FAM81A: variants seen among roughly 807,000 people sequenced by gnomAD.
FAM81A encodes the protein protein FAM81A.
In FAM81A, 19 loss-of-function variants were observed where a neutral mutation model predicts 46.7. The observed-to-expected ratio is 0.41, with a 90% CI of 0.28 to 0.60. The LOEUF is 0.60. Among genes scored for constraint, FAM81A ranks in the 20% least tolerant of loss-of-function variants. The pLI is 0.34. For missense variants in FAM81A, 377 were observed against 453.5 expected (o/e 0.83, Z 1.53); for synonymous variants, 183 against 152.9 (o/e 1.20, Z -1.45).
rs2082327880 is a variant in FAM81A at position 59,521,475 on chromosome 15, C to G, written c.*97C>G. The G allele has an allele frequency of 7.1e-7, 1 of 1,406,016 alleles. No homozygotes were observed. The highest frequency in any genetic ancestry group is 9.4e-7 in the Non-Finnish European group (1 of 1,061,750). The allele number at this position is 1,406,016 out of a possible 1,614,324, so 87.1% of individuals were successfully genotyped here. ...GCCATCGCTGCATTCAGGATTGTTC[C>G]ATCCATGGCGTGCATGTGCCAAGAA... On this transcript the variant is annotated 3_prime_UTR_variant, in exon 9 of 9. Transcript: ENST00000288228.
intron 8 of FAM81A, among the ~76,000 whole-genome samples, chr15:59,520,607 A>C (rs1401080918): frequency 7.1e-6 from 1 of 141,562 alleles, no homozygotes; most frequent in Non-Finnish European, 1.5e-5. Context: ...TCTGTCGCCG[A>C]GGCTGGAGTG....
upstream of FAM81A, among the ~76,000 whole-genome samples, chr15:59,434,545 G>T (rs1434948361): frequency 4.6e-5 from 7 of 152,164 alleles, no homozygotes; most frequent in African/African-American, 1.7e-4. Flanking sequence ...GAAACTTTCT[G>T]CCCTTGAGCC....
At chr15:59,412,586 G>A (rs1163384492) in intron 2 of FAM81A, among the ~76,000 whole-genome samples, 1 of 152,098 alleles carries the variant, frequency 6.6e-6, no homozygotes, top group Non-Finnish European at 1.5e-5. Flanking sequence ...AATTAGCTTG[G>A]CGTGGTGGTA....
At chr15:59,489,068 A>G (rs12901699) in intron 3 of FAM81A, among the ~76,000 whole-genome samples, 125,345 of 152,064 alleles carry the variant, frequency 0.82, 52,151 homozygotes, top group African/African-American at 0.94. Flanking sequence ...GATCGAGACC[A>G]TACTGGCTAA....
rs1260080762 is a variant in FAM81A at position 59,401,777 on chromosome 15, T to A, written c.-160-499T>A. 6 of 740,896 alleles carry A rather than the reference T, an allele frequency of 8.1e-6. No individual in the cohort carries two copies. The African/African-American group carries it at 1.1e-4, about 13-fold the overall frequency. 45.9% of individuals were successfully genotyped at this position (740,896 alleles called of 1,614,324 possible). A position where few individuals can be genotyped will look rare whatever the true frequency, so the allele number is the denominator to read the frequency against. On this transcript the variant is annotated intron_variant, in intron 1 of 4. Transcript: ENST00000558348. ...CTGTGGAGTCTTTTCAGCATTTTTTTTTTTTTTTGGTGTTTCTCTTTTCAT... is the reference window on the plus strand; with the variant it reads ...CTGTGGAGTCTTTTCAGCATTTTTTATTTTTTTTGGTGTTTCTCTTTTCAT...
chr15:59,466,658 C>T (rs1174492902), intron 3 of FAM81A, among the ~76,000 whole-genome samples: 5 of 152,092 alleles, frequency 3.3e-5, no homozygotes, highest in Non-Finnish European at 5.9e-5. Flanking sequence ...CTGTAGGTTG[C>T]CTGTTCACTC....
chr15:59,468,321 G>A (rs1244501799), intron 3 of FAM81A, among the ~76,000 whole-genome samples: 2 of 152,240 alleles, frequency 1.3e-5, no homozygotes, highest in East Asian at 3.9e-4. Flanking sequence ...GAATTCGGCT[G>A]TGAATCCGTC....
At chr15:59,516,600 T>G in intron 7 of FAM81A, 45 bp from the exon 8 acceptor site, 2 of 1,569,968 alleles carry the variant, frequency 1.3e-6, no homozygotes, top group Non-Finnish European at 1.7e-6. Flanking sequence ...GCAATGCAGA[T>G]TTCTTTTTGG....
At chr15:59,440,787 A>G (rs1249033571) in intron 1 of FAM81A, among the ~76,000 whole-genome samples, 8 of 152,142 alleles carry the variant, frequency 5.3e-5, no homozygotes, top group Admixed American at 5.2e-4. Context: ...CACTTGGGGC[A>G]TGTAAGTTGC....
intron 4 of FAM81A, among the ~76,000 whole-genome samples, chr15:59,497,822 C>T (rs930993831): frequency 3.3e-5 from 5 of 152,056 alleles, no homozygotes; most frequent in Non-Finnish European, 7.4e-5. Context: ...CAGAGCAAGA[C>T]CCTGTTTCAA....
intron 2 of FAM81A, among the ~76,000 whole-genome samples, chr15:59,430,982 A>G (rs1171850140): frequency 7.9e-5 from 12 of 152,190 alleles, no homozygotes; most frequent in Admixed American, 7.9e-4. Flanking sequence ...TAGTAAATAA[A>G]TGTGTATGTT....
At chr15:59,408,095 C>A (rs188177470) in intron 2 of FAM81A, 70 of 163,292 alleles carry the variant, frequency 4.3e-4, no homozygotes, top group Non-Finnish European at 6.1e-4. Context: ...CCTCCTGCTT[C>A]TTCGCGACAG....
chr15:59,406,926 A>G (rs1437497219), intron 2 of FAM81A: 1 of 149,454 alleles, frequency 6.7e-6, no homozygotes, highest in African/African-American at 2.5e-5. Flanking sequence ...TATTATTTTA[A>G]TTATTTTTAT....
intron 4 of FAM81A, among the ~76,000 whole-genome samples, chr15:59,500,529 T>C (rs2082080357): frequency 6.6e-6 from 1 of 152,082 alleles, no homozygotes; most frequent in Admixed American, 6.6e-5. Flanking sequence ...CTCAAAGTCC[T>C]GGCCTCAAGC....
At chr15:59,448,428 C>G (rs1352610232) in intron 1 of FAM81A, among the ~76,000 whole-genome samples, 4 of 152,014 alleles carry the variant, frequency 2.6e-5, no homozygotes, top group Non-Finnish European at 5.9e-5. Context: ...AATGTTTGCA[C>G]CATCTAAACT....
At chr15:59,437,547 C>T (rs1482644380), upstream of FAM81A, among the ~76,000 whole-genome samples, 10 of 152,080 alleles carry the variant, frequency 6.6e-5, no homozygotes, top group African/African-American at 2.4e-4. Context: ...TTCTTCTTCT[C>T]GTCGTGTCTG....
intron 2 of FAM81A, among the ~76,000 whole-genome samples, chr15:59,415,158 A>G (rs2081140945): frequency 7.2e-6 from 1 of 137,932 alleles, no homozygotes; most frequent in East Asian, 2.1e-4. Flanking sequence ...TTGCTCTGTC[A>G]CCCAGGCTGG....
chr15:59,437,882 G>A (rs1466282290), upstream of FAM81A, among the ~76,000 whole-genome samples: 2 of 152,062 alleles, frequency 1.3e-5, no homozygotes, highest in East Asian at 1.9e-4. Flanking sequence ...CGAAATCCCC[G>A]CCCGCCAACT....
chr15:59,484,780 A>G (rs1171680358), intron 3 of FAM81A, among the ~76,000 whole-genome samples: 2 of 152,196 alleles, frequency 1.3e-5, no homozygotes, highest in Non-Finnish European at 2.9e-5. Context: ...CTTAGGTACC[A>G]GCTTGGCCAC....
Sources: allele counts gnomAD v4.1 joint callset (sites outside exome capture counted in the v4.1 genomes callset), GRCh38; gene constraint gnomAD v4.1.1; transcripts MANE v1.5; gene names NCBI Gene and HGNC (gene_info 2026-07-23, HGNC 2026-07-21).